EMILIN2: variants seen among roughly 807,000 people sequenced by gnomAD.
EMILIN2 encodes the protein elastin microfibril interfacer 2, also known as EMILIN-2.
In EMILIN2, 71 loss-of-function variants were observed where a neutral mutation model predicts 87.1. The ratio of observed to expected loss-of-function variants is 0.82; its 90% CI spans 0.67 to 0.99. The LOEUF is 0.99. Ranked by LOEUF, EMILIN2 falls within the 50% of genes least tolerant of loss-of-function variation. EMILIN2 has a pLI of 0.00. For missense variants in EMILIN2, 1,407 were observed against 1,371.8 expected, an observed-to-expected ratio of 1.03 and a Z score of -0.40; for synonymous variants, 581 against 563.4, an observed-to-expected ratio of 1.03 and a Z score of -0.44.
intron 2 of EMILIN2, among the ~76,000 whole-genome samples, chr18:2,881,012 C>G (rs917226477): frequency 6.6e-6 from 1 of 152,188 alleles, no homozygotes; most frequent in Non-Finnish European, 1.5e-5. Context: ...ACCCAGAATC[C>G]TCCTTTGTTG....
intron 2 of EMILIN2, among the ~76,000 whole-genome samples, chr18:2,852,817 C>T (rs896768735): frequency 3.3e-4 from 50 of 152,220 alleles, no homozygotes; most frequent in Non-Finnish European, 6.2e-4. Context: ...TTGCACCTGG[C>T]CCGCAATAAT....
intron 2 of EMILIN2, among the ~76,000 whole-genome samples, chr18:2,861,115 T>A (rs1190090480): frequency 2.6e-5 from 4 of 152,210 alleles, no homozygotes. Context: ...TTGAGTTCAT[T>A]GTAGATTCTG....
intron 4 of EMILIN2, among the ~76,000 whole-genome samples, chr18:2,898,363 G>C (rs558658729): frequency 6.6e-6 from 1 of 152,334 alleles, no homozygotes; most frequent in South Asian, 2.1e-4. Context: ...GCCCTCCCCA[G>C]CTGGCTTTAG....
In EMILIN2 at chr18:2,892,247, C is replaced by T; in HGVS notation, c.2120C>T (p.Ser707Phe). The T allele has an allele frequency of 6.2e-7, 1 of 1,613,460 alleles. No individual in the cohort carries two copies. ...REVSMVEGRV[S>F]HMEKTCSKLD... ...GTCTCCATGGTGGAGGGCAGGGTGTCTCATATGGAGAAAACTTGCAGCAAG... is the reference window on the plus strand; with the variant it reads ...GTCTCCATGGTGGAGGGCAGGGTGTTTCATATGGAGAAAACTTGCAGCAAG... Residue 707 changes from serine to phenylalanine, a missense_variant, in exon 4 of 8, where the codon TCT (serine) becomes TTT (phenylalanine). By Grantham distance (155) the Ser-to-Phe change is radical. Transcript: ENST00000254528.
intron 2 of EMILIN2, among the ~76,000 whole-genome samples, chr18:2,855,314 T>C (rs2143955249): frequency 6.6e-6 from 1 of 152,328 alleles, no homozygotes; most frequent in East Asian, 1.9e-4. Flanking sequence ...TTCCACACCA[T>C]TATTTTATTC....
At chr18:2,865,506 C>T (rs752679806) in intron 2 of EMILIN2, among the ~76,000 whole-genome samples, 3 of 152,328 alleles carry the variant, frequency 2.0e-5, no homozygotes, top group East Asian at 1.9e-4. Flanking sequence ...GTATCAGCAG[C>T]GGAGGCTGCA....
intron 2 of EMILIN2, among the ~76,000 whole-genome samples, chr18:2,868,061 C>CTGA (rs747521185): frequency 1.4e-3 from 216 of 151,998 alleles, no homozygotes; most frequent in Non-Finnish European, 2.6e-3. Context: ...GGCTGCTGGA[C>CTGA]GGGGCTCCTC....
At chr18:2,905,775 GTTTTTTTGT>G (rs1349053936) in intron 4 of EMILIN2, among the ~76,000 whole-genome samples, 6 of 92,714 alleles carry the variant, frequency 6.5e-5, no homozygotes, top group African/African-American at 2.6e-4. Context: ...GCTAATTTTT[GTTTTTTTGT>G]TTTTTTTTTT....
chr18:2,907,939 C>A (rs746103251), intron 5 of EMILIN2, among the ~76,000 whole-genome samples: 6 of 152,208 alleles, frequency 3.9e-5, no homozygotes, highest in Admixed American at 1.3e-4. Context: ...GACATGCAGA[C>A]ACTGGCAGGG....
rs561344769 is a variant in EMILIN2, at chr18:2,880,718, C to T, written c.258-4246C>T. On this transcript the variant is annotated intron_variant, in intron 2 of 7. Transcript: ENST00000254528. This position sits in a 1 kb window ranked among gnomAD's most constrained non-coding sequence, Gnocchi z 4.1. ...GATTCTGTATCGAGTGAGCATCTCC[C>T]GTGTGCTCACAGCCCGGGGCCCCTG... 8.2e-4 allele frequency among the ~76,000 whole-genome samples: 125 copies of T among 152,294 alleles called. No individual in the cohort carries two copies. Among genetic ancestry groups the T allele is most frequent in the South Asian group, 3.7e-3 (18 of 4,826 alleles).
intron 4 of EMILIN2, among the ~76,000 whole-genome samples, chr18:2,895,550 G>T (rs1277798504): frequency 1.3e-5 from 2 of 152,338 alleles, no homozygotes; most frequent in East Asian, 3.9e-4. Context: ...GCATCAGCTT[G>T]AGTCGCCCAC....
At position 2,858,710 on chromosome 18, in the gene EMILIN2, A is replaced by G. The variant is rs181224012; in HGVS notation, c.257+10779A>G. Reference sequence around the variant, plus strand: ...GAGTGCAGTGGCGCCATCTCGGCTCACTGCAACCTCTGCCTCCTGAGTTCA... The same window carrying G: ...GAGTGCAGTGGCGCCATCTCGGCTCGCTGCAACCTCTGCCTCCTGAGTTCA... On this transcript the variant is annotated intron_variant, in intron 2 of 7. Transcript: ENST00000254528. 3.8e-3 allele frequency among the ~76,000 whole-genome samples: 564 copies of G among 149,746 alleles called. 4 individuals carry two copies. The highest frequency in any genetic ancestry group is 0.013 in the African/African-American group (543 of 40,372).
intron 2 of EMILIN2, among the ~76,000 whole-genome samples, chr18:2,881,624 C>T (rs936143003): frequency 1.3e-5 from 2 of 152,214 alleles, no homozygotes; most frequent in East Asian, 3.9e-4. Flanking sequence ...TGTGCTCTGC[C>T]TGGCCTGGCT....
At chr18:2,885,999 A>G (rs929660207) in intron 3 of EMILIN2, among the ~76,000 whole-genome samples, 1 of 152,264 alleles carries the variant, frequency 6.6e-6, no homozygotes, top group African/African-American at 2.4e-5. Context: ...AGTAATGCAC[A>G]TCAATTAAAG....
rs145317774 is a variant in EMILIN2 at position 2,913,093 on chromosome 18, C to T, written c.2851C>T (p.Arg951Cys). The T allele has an allele frequency of 3.2e-5, 51 of 1,611,268 alleles. No homozygotes were observed. In the South Asian group the frequency reaches 4.1e-4, roughly 13 times the overall value. The stretch of plus-strand genomic sequence containing the variant: ...GGTCTTCACGGCTCCTTATGATGGG[C>T]GCTACCTGATCACGGCCACCCTCAC... ...TGVFTAPYDGRYLITATLTPE... is the reference protein window; with the variant it reads ...TGVFTAPYDGCYLITATLTPE... The change falls in exon 8 of 8, where the codon CGC becomes TGC. Residue 951 changes from arginine to cysteine, a missense_variant. Physicochemically the swap from Arg to Cys is radical, Grantham distance 180. Transcript: ENST00000254528.
chr18:2,898,882 A>C (rs2076875333), intron 4 of EMILIN2, among the ~76,000 whole-genome samples: 2 of 152,192 alleles, frequency 1.3e-5, no homozygotes, highest in African/African-American at 4.8e-5. Context: ...ATAAAGGCTC[A>C]ATAAATTGCT....
Position 2,914,727 on chromosome 18 carries a change from A to C in EMILIN2, c.*1323A>C, listed in dbSNP as rs542419970. On this transcript the variant is annotated 3_prime_UTR_variant, in exon 8 of 8. Transcript: ENST00000254528. Reference sequence around the variant, plus strand: ...TCTTATGCTGTAAAAAAAATGCTTTAAGAATTGTTTGCAAATGAATTTACA... The same window carrying C: ...TCTTATGCTGTAAAAAAAATGCTTTCAGAATTGTTTGCAAATGAATTTACA... The C allele has an allele frequency of 2.6e-5, 4 of 152,208 alleles. No homozygotes were observed. In the South Asian group the frequency reaches 6.2e-4, roughly 24 times the overall value. The allele number at this position is 152,208 out of a possible 1,614,324, so 9.4% of individuals were successfully genotyped here.
At chr18:2,881,211 G>C (rs911213137) in intron 2 of EMILIN2, among the ~76,000 whole-genome samples, 1 of 152,188 alleles carries the variant, frequency 6.6e-6, no homozygotes, top group East Asian at 1.9e-4. Context: ...CTTTGTCATC[G>C]TCATGCGACA....
At chr18:2,909,935 C>T (rs2076932985) in intron 7 of EMILIN2, 116 bp downstream of exon 7, 2 of 1,430,876 alleles carry the variant, frequency 1.4e-6, no homozygotes, top group East Asian at 2.4e-5. Flanking sequence ...AGGACGCCAC[C>T]CTGGAGCAGA....
Sources: gnomAD v4.1 joint callset for allele counts (sites outside exome capture counted in the v4.1 genomes callset) on GRCh38, gnomAD v4.1.1 for gene constraint, Gnocchi (gnomAD v3.1) non-coding constraint, MANE v1.5 for transcripts, NCBI Gene and HGNC (gene_info 2026-07-23, HGNC 2026-07-21) for gene names.